The following SYCP2L variants were observed in gnomAD, a reference collection of about 807,000 sequenced individuals.
SYCP2L encodes the protein synaptonemal complex protein 2 like, also known as synaptonemal complex protein 2-like.
A neutral mutation model predicts 125.8 loss-of-function variants in SYCP2L; 98 were observed. That is an observed-to-expected ratio of 0.78 (90% CI 0.66 to 0.92). SYCP2L has a LOEUF of 0.92. SYCP2L is among the 40% of genes least tolerant of loss of function. SYCP2L has a pLI of 0.00. For missense variants in SYCP2L, 842 were observed against 936.4 expected, an observed-to-expected ratio of 0.90 and a Z score of 1.32; for synonymous variants, 317 against 325.4, an observed-to-expected ratio of 0.97 and a Z score of 0.28.
At chr6:10,941,933 A>G (rs1329608829) in intron 21 of SYCP2L, among the ~76,000 whole-genome samples, 1 of 152,188 alleles carries the variant, frequency 6.6e-6, no homozygotes, top group Non-Finnish European at 1.5e-5. Flanking sequence ...GACTGGATTA[A>G]GAAAATGTGG....
In SYCP2L at chr6:10,960,327, A is replaced by G. The variant is rs554312171; in HGVS notation, c.2256-978A>G. ...GAATGTCAAAGCAAGCCCACGAAGG[A>G]CTTTGGATTGGTGGAATTCCCATGC... On this transcript the variant is annotated intron_variant, in intron 26 of 29. Transcript: ENST00000283141. 1.4e-4 allele frequency among the ~76,000 whole-genome samples: 21 copies of G among 152,302 alleles called. No individual in the cohort carries two copies. In the South Asian group the frequency reaches 4.1e-3, roughly 30 times the overall value.
At chr6:10,963,922 T>C in intron 29 of SYCP2L, 79 bp downstream of exon 29, 2 of 1,068,024 alleles carry the variant, frequency 1.9e-6, no homozygotes, top group South Asian at 1.4e-5. Flanking sequence ...GATACTGTAA[T>C]GCTTTGTTCA....
At chr6:10,955,590 C>G (rs775070172) in intron 24 of SYCP2L, among the ~76,000 whole-genome samples, 47 of 152,110 alleles carry the variant, frequency 3.1e-4, no homozygotes, top group Admixed American at 2.6e-3. Context: ...TTGAGGCTGG[C>G]CTTCTGGACA....
At position 10,912,906 on chromosome 6, in the gene SYCP2L, G is replaced by T; in HGVS notation, c.1051G>T (p.Val351Leu). ...WDSVTLPKEA[V>L]MNFSITETEK... Reference sequence around the variant, plus strand: ...CTCAGTGACACTTCCGAAGGAAGCGGTGATGAATTTCAGCATAACAGGTAA... The same window carrying T: ...CTCAGTGACACTTCCGAAGGAAGCGTTGATGAATTTCAGCATAACAGGTAA... Residue 351 changes from valine (V) to leucine (L), a missense_variant, in exon 14 of 30, where the codon GTG (valine) becomes TTG (leucine). Val to Leu is a conservative substitution (Grantham distance 32). Transcript: ENST00000283141. This position sits in a 1 kb window ranked among gnomAD's most constrained non-coding sequence, Gnocchi z 4.1. The T allele has an allele frequency of 1.2e-6, 2 of 1,613,790 alleles. No individual in the cohort carries two copies. Among genetic ancestry groups the T allele is most frequent in the African/African-American group, 1.3e-5 (1 of 75,016 alleles).
At chr6:10,966,468 A>G (rs544999308) in intron 29 of SYCP2L, among the ~76,000 whole-genome samples, 1 of 152,326 alleles carries the variant, frequency 6.6e-6, no homozygotes, top group Non-Finnish European at 1.5e-5. Context: ...ATGCATTATC[A>G]CTAAAATCAG....
intron 4 of SYCP2L, among the ~76,000 whole-genome samples, chr6:10,896,181 T>C (rs1581815367): frequency 2.0e-5 from 3 of 152,272 alleles, no homozygotes; most frequent in Middle Eastern, 6.8e-3. Flanking sequence ...GGAACATCTT[T>C]AGTCCTGTAC....
chr6:10,966,044 C>T (rs1015719973), intron 29 of SYCP2L, among the ~76,000 whole-genome samples: 5 of 152,118 alleles, frequency 3.3e-5, no homozygotes, highest in African/African-American at 9.7e-5. Context: ...ACCCAGGAGG[C>T]AGAGGTTGCA....
At position 10,902,924 on chromosome 6, in the gene SYCP2L, G is replaced by GA. The variant is rs1385905370; in HGVS notation, c.609dup (p.Phe204IlefsTer23). ...TTGCACGCTGTCCCTCGAGAAGAGAGAAAAAAATTCCCTTTGTCAGAAGGC... is the reference window on the plus strand; with the variant it reads ...TTGCACGCTGTCCCTCGAGAAGAGAGAAAAAAAATTCCCTTTGTCAGAAGGC... On this transcript the variant is annotated frameshift_variant, in exon 8 of 30. Transcript: ENST00000283141. LOFTEE classifies it high-confidence loss of function. 3.1e-6 allele frequency: 5 copies of GA among 1,614,130 alleles called. No individual in the cohort carries two copies. Among genetic ancestry groups the GA allele is most frequent in the Non-Finnish European group, 4.2e-6 (5 of 1,180,026 alleles).
In SYCP2L at chr6:10,924,485, T is replaced by C. The variant is rs770118107; in HGVS notation, c.1073-11T>C. 1.3e-6 allele frequency: 2 copies of C among 1,556,212 alleles called. No individual in the cohort carries two copies. Among genetic ancestry groups the C allele is most frequent in the African/African-American group, 2.8e-5 (2 of 71,556 alleles). On this transcript the variant is annotated splice_polypyrimidine_tract_variant and intron_variant, in intron 14 of 29. Transcript: ENST00000283141. ...TGTTGCTATGCATTGATATTCCATA[T>C]TTTCTCTTAGAAACGGAGAAGATAA...
intron 12 of SYCP2L, among the ~76,000 whole-genome samples, chr6:10,911,450 C>T (rs966151360): frequency 4.6e-5 from 7 of 152,118 alleles, no homozygotes; most frequent in African/African-American, 1.7e-4. Context: ...TTTGAGTGTC[C>T]TGAACCCTGT....
chr6:10,895,159 A>G (rs1780236521), intron 4 of SYCP2L, among the ~76,000 whole-genome samples: 2 of 152,352 alleles, frequency 1.3e-5, no homozygotes, highest in Admixed American at 6.5e-5. Context: ...TGATACGCCA[A>G]CTTCTGCAGA....
chr6:10,898,259 A>C, intron 5 of SYCP2L, 144 bp downstream of exon 5: 2 of 627,858 alleles, frequency 3.2e-6, no homozygotes, highest in Non-Finnish European at 5.4e-6. Context: ...TCACACCTGT[A>C]ATCCCAGCAC....
In SYCP2L at chr6:10,913,674, TTACTC is replaced by T. The variant is rs1336094053; in HGVS notation, c.1072+749_1072+753del. 3.9e-5 allele frequency among the ~76,000 whole-genome samples: 6 copies of T among 152,320 alleles called. No homozygotes were observed. The South Asian group carries it at 1.2e-3, about 32-fold the overall frequency. ...TTTCTCCACTCTGTGGGTTGTCTGT[TTACTC>T]TGCTGACTGTTCCTTTTGCCACGCA... On this transcript the variant is annotated intron_variant, in intron 14 of 29. Coordinates refer to ENST00000283141, the MANE Select transcript of SYCP2L (RefSeq NM_001040274.3).
chr6:10,956,283 T>G, intron 25 of SYCP2L, 41 bp downstream of exon 25: 3 of 1,362,578 alleles, frequency 2.2e-6, no homozygotes, highest in Non-Finnish European at 3.1e-6. Context: ...GCGTTATGAA[T>G]CTGGAGGACA....
chr6:10,916,621 A>G (rs1400671883), intron 14 of SYCP2L, among the ~76,000 whole-genome samples: 5 of 152,172 alleles, frequency 3.3e-5, no homozygotes, highest in Non-Finnish European at 7.3e-5. Flanking sequence ...ATGTATTTGC[A>G]TGGTTTTGAA....
chr6:10,926,670 T>TG (rs1780902267), intron 16 of SYCP2L, among the ~76,000 whole-genome samples: 1 of 152,036 alleles, frequency 6.6e-6, no homozygotes, highest in South Asian at 2.1e-4. Context: ...AGGCAGGACA[T>TG]GGGGGTAAGG....
intron 5 of SYCP2L, among the ~76,000 whole-genome samples, 166 bp downstream of exon 5, chr6:10,898,281 G>A (rs1235298744): frequency 3.3e-5 from 5 of 152,174 alleles, no homozygotes; most frequent in Admixed American, 6.5e-5. Context: ...TTGGGAGGCC[G>A]AGGTGAGTGG....
chr6:10,898,263 C>A, intron 5 of SYCP2L, 148 bp downstream of exon 5: 2 of 616,316 alleles, frequency 3.2e-6, no homozygotes, highest in Non-Finnish European at 5.5e-6. Context: ...ACCTGTAATC[C>A]CAGCACTTTG....
intron 17 of SYCP2L, among the ~76,000 whole-genome samples, chr6:10,927,657 G>A (rs1459382325): frequency 1.3e-5 from 2 of 152,188 alleles, no homozygotes; most frequent in African/African-American, 2.4e-5. Context: ...GGACCGGGGC[G>A]AAATTAAAAT....
Sources: allele counts gnomAD v4.1 joint callset (sites outside exome capture counted in the v4.1 genomes callset), GRCh38; gene constraint gnomAD v4.1.1; non-coding constraint Gnocchi (gnomAD v3.1); transcripts MANE v1.5; gene names NCBI Gene and HGNC (gene_info 2026-07-23, HGNC 2026-07-21).